Variants in EIPR1 observed in about 807,000 individuals in gnomAD.
EIPR1 encodes the protein EARP and GARP complex-interacting protein 1.
A neutral mutation model predicts 48.1 loss-of-function variants in EIPR1; 25 were observed. The observed-to-expected ratio is 0.52, with a 90% confidence interval of 0.38 to 0.73. The LOEUF (loss-of-function observed/expected upper bound fraction) is 0.73, where lower values mean the gene tolerates loss of function less well. Ranked by LOEUF, EIPR1 falls within the 30% of genes least tolerant of loss-of-function variation. The pLI is 0.00. For synonymous variants in EIPR1, 204 were observed against 201.9 expected (o/e 1.01, Z -0.09); for missense variants, 415 against 506.2 (o/e 0.82, Z 1.73).
chr2:3,248,252 A>T (rs985306594), intron 4 of EIPR1, among the ~76,000 whole-genome samples: 1 of 152,238 alleles, frequency 6.6e-6, no homozygotes, highest in Non-Finnish European at 1.5e-5. Flanking sequence ...GTTCAAGAGC[A>T]GCCTGACCAA....
At chr2:3,368,369 C>T (rs577570487) in intron 1 of EIPR1, among the ~76,000 whole-genome samples, 1 of 152,328 alleles carries the variant, frequency 6.6e-6, no homozygotes, top group Admixed American at 6.5e-5. Context: ...CACCCACCTT[C>T]CCACCCCGAC....
intron 1 of EIPR1, among the ~76,000 whole-genome samples, chr2:3,358,539 G>A (rs1369992956): frequency 6.6e-6 from 1 of 152,178 alleles, no homozygotes; most frequent in African/African-American, 2.4e-5. Context: ...CCCACTGTCG[G>A]TATTCCTCTA....
At chr2:3,275,544 AAATT>A (rs942940784) in intron 3 of EIPR1, among the ~76,000 whole-genome samples, 29 of 152,198 alleles carry the variant, frequency 1.9e-4, no homozygotes, top group Non-Finnish European at 3.7e-4. Flanking sequence ...TGCAACATAA[AAATT>A]AATCCATACG....
chr2:3,258,414 A>C (rs752111749), intron 3 of EIPR1, among the ~76,000 whole-genome samples: 7 of 152,236 alleles, frequency 4.6e-5, no homozygotes, highest in Non-Finnish European at 1.0e-4. Context: ...TTTAATGAAT[A>C]ATCATAAACT....
intron 4 of EIPR1, among the ~76,000 whole-genome samples, chr2:3,228,793 T>C (rs1666147915): frequency 6.6e-6 from 1 of 152,170 alleles, no homozygotes; most frequent in Non-Finnish European, 1.5e-5. Context: ...GCATCTGGCA[T>C]TTCCCCTGCT....
At chr2:3,324,832 G>C (rs1407482813) in intron 3 of EIPR1, among the ~76,000 whole-genome samples, 5 of 146,546 alleles carry the variant, frequency 3.4e-5, no homozygotes, top group African/African-American at 1.2e-4. Context: ...CGCGCCTCCA[G>C]CACCTCGGGG....
chr2:3,209,203 G>A (rs1449370567), intron 5 of EIPR1, among the ~76,000 whole-genome samples: 1 of 152,168 alleles, frequency 6.6e-6, no homozygotes, highest in Non-Finnish European at 1.5e-5. Flanking sequence ...CACGCAGTGG[G>A]GCTCCCTGGG....
chr2:3,369,564 C>T (rs1308880121), intron 1 of EIPR1, among the ~76,000 whole-genome samples: 2 of 152,256 alleles, frequency 1.3e-5, no homozygotes, highest in African/African-American at 4.8e-5. Flanking sequence ...GCTTAGGAAA[C>T]AGCGCACCAG....
intron 3 of EIPR1, among the ~76,000 whole-genome samples, chr2:3,269,978 G>T (rs980314383): frequency 6.6e-6 from 1 of 152,176 alleles, no homozygotes; most frequent in Non-Finnish European, 1.5e-5. Context: ...CTGCAGCCAC[G>T]GTAGGTGCTC....
In EIPR1 at chr2:3,193,897, C is replaced by A. The variant is rs887733620; in HGVS notation, c.821+102G>T. On this transcript the variant is annotated intron_variant, in intron 7 of 8. Transcript: ENST00000382125. The stretch of plus-strand genomic sequence containing the variant: ...ACTGGGTTGATTGAATGATTCACAG[C>A]AGCACAAACTAAGCTGGTTTGTGTC... 9.5e-5 allele frequency: 124 copies of A among 1,306,582 alleles called. No homozygotes were observed. In the African/African-American group the frequency reaches 1.6e-3, roughly 17 times the overall value. The allele number at this position is 1,306,582 out of a possible 1,614,324, so 80.9% of individuals were successfully genotyped here.
chr2:3,199,140 G>T (rs372090112), intron 5 of EIPR1, among the ~76,000 whole-genome samples: 1 of 145,770 alleles, frequency 6.9e-6, no homozygotes, highest in African/African-American at 2.6e-5. Context: ...AGAATTCAGC[G>T]ATATTTATCT....
rs74379071 is a variant in EIPR1, at chr2:3,299,956, G to C, written c.259+38061C>G. 3.9e-4 allele frequency among the ~76,000 whole-genome samples: 59 copies of C among 152,244 alleles called. No homozygotes were observed. The East Asian group carries it at 0.011, about 28-fold the overall frequency. ...TTATGACGCAAGAGTCACACTATTT[G>C]GTCTCCAAGGTGCCTCTTGACAGGG... On this transcript the variant is annotated intron_variant, in intron 3 of 8. Coordinates refer to ENST00000382125, the MANE Select transcript of EIPR1 (RefSeq NM_003310.5).
chr2:3,368,605 AAAG>A (rs1319119002), intron 1 of EIPR1, among the ~76,000 whole-genome samples: 1 of 152,226 alleles, frequency 6.6e-6, no homozygotes, highest in Non-Finnish European at 1.5e-5. Flanking sequence ...CCCACACAAC[AAAG>A]AAGATCTATT....
At chr2:3,203,683 G>C (rs945986886) in intron 5 of EIPR1, among the ~76,000 whole-genome samples, 6 of 152,266 alleles carry the variant, frequency 3.9e-5, no homozygotes, top group African/African-American at 1.4e-4. Flanking sequence ...GGTGGCCTAT[G>C]GAGTCCCTGC....
At position 3,189,517 on chromosome 2, in the gene EIPR1, C is replaced by T; in HGVS notation, c.990-9G>A. On this transcript the variant is annotated splice_polypyrimidine_tract_variant and intron_variant, in intron 8 of 8. Transcript: ENST00000382125. The surrounding 1 kb of genome is among the most constrained non-coding windows in gnomAD (Gnocchi z 4.6). ...GCAGGGGCTCCTTGCTCCTGCAATG[C>T]AACAGAGGCAGACGTGAGCGCAGCA... 6.5e-7 allele frequency: 1 copy of T among 1,545,356 alleles called. No individual in the cohort carries two copies. The highest frequency in any genetic ancestry group is 8.8e-7 in the Non-Finnish European group (1 of 1,135,524).
chr2:3,339,761 C>T (rs1265399902), intron 2 of EIPR1, among the ~76,000 whole-genome samples: 1 of 152,194 alleles, frequency 6.6e-6, no homozygotes, highest in Non-Finnish European at 1.5e-5. Flanking sequence ...CCAGCCTGAC[C>T]ACCACAGTGA....
intron 4 of EIPR1, among the ~76,000 whole-genome samples, chr2:3,247,056 GGAGGGAGA>G (rs1666853298): frequency 1.5e-4 from 4 of 27,532 alleles, no homozygotes; most frequent in South Asian, 3.0e-3. Flanking sequence ...AGGGAGAGAG[GGAGGGAGA>G]GAGGGAGGGA....
chr2:3,365,890 A>G (rs1012224408), intron 1 of EIPR1, among the ~76,000 whole-genome samples: 1 of 152,092 alleles, frequency 6.6e-6, no homozygotes, highest in African/African-American at 2.4e-5. Context: ...CTACACAGAC[A>G]CGGCAACCAT....
At chr2:3,250,203 A>G (rs1339179804) in intron 4 of EIPR1, among the ~76,000 whole-genome samples, 1 of 152,200 alleles carries the variant, frequency 6.6e-6, no homozygotes, top group Non-Finnish European at 1.5e-5. Flanking sequence ...ACTTGACTCC[A>G]ACCCATGCAG....
Sources: allele counts gnomAD v4.1 joint callset (sites outside exome capture counted in the v4.1 genomes callset), GRCh38; gene constraint gnomAD v4.1.1; non-coding constraint Gnocchi (gnomAD v3.1); transcripts MANE v1.5; gene names NCBI Gene and HGNC (gene_info 2026-07-23, HGNC 2026-07-21).